The following PDCD6 variants were observed in gnomAD, a reference collection of about 807,000 sequenced individuals.
PDCD6 encodes the protein programmed cell death 6.
A neutral mutation model predicts 28.3 loss-of-function variants in PDCD6; 12 were observed. The ratio of observed to expected loss-of-function variants is 0.42; its 90% CI spans 0.27 to 0.69. The LOEUF is 0.69. Ranked by LOEUF, PDCD6 falls within the 30% of genes least tolerant of loss-of-function variation. PDCD6 has a pLI of 0.22. For missense variants in PDCD6, 226 were observed against 269.9 expected (o/e 0.84, Z 1.14); for synonymous variants, 92 against 108.0 (o/e 0.85, Z 0.92).
intron 2 of PDCD6, chr5:289,274 C>T: frequency 5.5e-6 from 3 of 547,276 alleles, no homozygotes; most frequent in Non-Finnish European, 3.3e-6. Context: ...TCAGCAACAA[C>T]TACATACAGG....
chr5:283,693 G>A (rs1213730581), intron 2 of PDCD6, among the ~76,000 whole-genome samples: 1 of 151,584 alleles, frequency 6.6e-6, no homozygotes, highest in Non-Finnish European at 1.5e-5. Flanking sequence ...GAAGCCTCAG[G>A]GAGGAGCTGA....
Position 311,408 on chromosome 5 carries a change from G to C in PDCD6, c.477+6G>C. 1 of 1,600,348 alleles carries C rather than the reference G, an allele frequency of 6.2e-7. No homozygotes were observed. Among genetic ancestry groups the C allele is most frequent in the South Asian group, 1.1e-5 (1 of 90,672 alleles). On this transcript the variant is annotated splice_donor_region_variant and intron_variant, in intron 5 of 5. Transcript: ENST00000264933. ...AGGGCTGCATCGTCCTGCAGGTGAC[G>C]GAATGGCTTCACGTGGGTTTGTGGT...
rs552701310 is a variant in PDCD6 at position 303,191 on chromosome 5, A to G, written c.164-986A>G. Reference sequence around the variant, plus strand: ...GTGGCACGTAGAGGCCTAAGGGACCATGCCAGCAGACCCCACCGCCCGTGC... The same window carrying G: ...GTGGCACGTAGAGGCCTAAGGGACCGTGCCAGCAGACCCCACCGCCCGTGC... On this transcript the variant is annotated intron_variant, in intron 2 of 5. Coordinates refer to ENST00000264933, the MANE Select transcript of PDCD6 (RefSeq NM_013232.4). 2.3e-3 allele frequency among the ~76,000 whole-genome samples: 354 copies of G among 151,966 alleles called. 1 individual carries two copies. Among genetic ancestry groups the G allele is most frequent in the Non-Finnish European group, 3.6e-3 (247 of 67,976 alleles).
intron 2 of PDCD6, among the ~76,000 whole-genome samples, chr5:294,749 T>G (rs559100812): frequency 6.6e-6 from 1 of 152,352 alleles, no homozygotes; most frequent in African/African-American, 2.4e-5. Context: ...CACAAGTGTT[T>G]AGGCCTCATT....
chr5:306,220 G>T lies in PDCD6; in HGVS notation c.209-382G>T, dbSNP rs1740470109. 1.7e-5 allele frequency: 4 copies of T among 231,382 alleles called. No homozygotes were observed. In the Admixed American group the frequency reaches 1.9e-4, roughly 11 times the overall value. 14.3% of individuals were successfully genotyped at this position (231,382 alleles called of 1,614,324 possible). On this transcript the variant is annotated intron_variant, in intron 3 of 5. Transcript: ENST00000264933. ...ATTCGCGTTCTAGGCCGAGACCCAG[G>T]AGCCAGGGGAGCTGGGGCCACTTAC...
At chr5:299,262 C>A (rs1168540956) in intron 2 of PDCD6, among the ~76,000 whole-genome samples, 4 of 104,546 alleles carry the variant, frequency 3.8e-5, no homozygotes, top group Admixed American at 2.9e-4. Context: ...TGTTCCCCCC[C>A]AGCTGTTCTC....
chr5:290,228 A>G (rs562041893), intron 2 of PDCD6: 170 of 1,552,858 alleles, frequency 1.1e-4, no homozygotes, highest in Middle Eastern at 2.3e-4. Context: ...AGTCTTGGCT[A>G]TATGACAAAG....
chr5:273,369 G>A (rs1057332212), intron 2 of PDCD6: 3 of 153,204 alleles, frequency 2.0e-5, no homozygotes, highest in African/African-American at 4.8e-5. Context: ...TGCGTGTTGT[G>A]AGCTCCCTGG....
intron 2 of PDCD6, among the ~76,000 whole-genome samples, chr5:297,129 C>T (rs1269379111): frequency 6.6e-6 from 1 of 152,070 alleles, no homozygotes; most frequent in African/African-American, 2.4e-5. Flanking sequence ...AATCCCGATC[C>T]TGTTATCACA....
intron 4 of PDCD6, chr5:309,310 A>G (rs1454198625): frequency 6.4e-6 from 1 of 155,838 alleles, no homozygotes; most frequent in Non-Finnish European, 1.4e-5. Flanking sequence ...CATGAACAGA[A>G]ACTCAGAAAC....
At chr5:311,433 T>G in intron 5 of PDCD6, 31 bp downstream of exon 5, 3 of 1,495,344 alleles carry the variant, frequency 2.0e-6, no homozygotes, top group South Asian at 1.1e-5. Flanking sequence ...GGGTTTGTGG[T>G]GGTGGTGGGA....
Position 307,201 on chromosome 5 carries a change from ACGCG to A in PDCD6, c.367+442_367+445del. Among the ~76,000 whole-genome samples the A allele has an allele frequency of 6.6e-6, 1 of 150,964 alleles. No individual in the cohort carries two copies. Among genetic ancestry groups the A allele is most frequent in the Non-Finnish European group, 1.5e-5 (1 of 67,950 alleles). On this transcript the variant is annotated intron_variant, in intron 4 of 5. Transcript: ENST00000264933. The surrounding 1 kb of genome is among the most constrained non-coding windows in gnomAD (Gnocchi z 6.1). ...CGCCTCAGAAGGGGCGTTAGGCAGA[ACGCG>A]TGCCCATTCTCAGGTGTGCTCGGCG...
Position 288,963 on chromosome 5 carries a change from G to A in PDCD6, c.164-15214G>A, listed in dbSNP as rs574925039. ...TTCTTCTGTTTCACGGCAGTCAGAA[G>A]AACCACTACTTTCAGGGCCTTCGTT... On this transcript the variant is annotated intron_variant, in intron 2 of 5. Transcript: ENST00000264933. The A allele has an allele frequency of 1.5e-5, 22 of 1,440,898 alleles. No individual in the cohort carries two copies. The African/African-American group carries it at 2.6e-4, about 17-fold the overall frequency. 89.3% of individuals were successfully genotyped at this position (1,440,898 alleles called of 1,614,324 possible). A position where few individuals can be genotyped will look rare whatever the true frequency, so the allele number is the denominator to read the frequency against.
rs527571219 is a variant in PDCD6, at chr5:298,018, C to T, written c.164-6159C>T. On this transcript the variant is annotated intron_variant, in intron 2 of 5. Coordinates refer to ENST00000264933, the MANE Select transcript of PDCD6 (RefSeq NM_013232.4). Reference sequence around the variant, plus strand: ...ATAGATAAATATAAGGTTAGATCCACGTAAATAAATGAAGCCATTAAGGGT... The same window carrying T: ...ATAGATAAATATAAGGTTAGATCCATGTAAATAAATGAAGCCATTAAGGGT... 5.3e-5 allele frequency among the ~76,000 whole-genome samples: 8 copies of T among 152,234 alleles called. No homozygotes were observed. In the South Asian group the frequency reaches 1.5e-3, roughly 28 times the overall value.
At chr5:292,603 G>T (rs759666797) in intron 2 of PDCD6, among the ~76,000 whole-genome samples, 1 of 152,090 alleles carries the variant, frequency 6.6e-6, no homozygotes, top group African/African-American at 2.4e-5. Flanking sequence ...TGTTCATTCC[G>T]GTGACTATCT....
chr5:313,667 C>T (rs1741074236), intron 5 of PDCD6: 1 of 152,030 alleles, frequency 6.6e-6, no homozygotes, highest in Non-Finnish European at 1.5e-5. Flanking sequence ...GCTGTGTCTT[C>T]CCTGCCACAT....
intron 1 of PDCD6, among the ~76,000 whole-genome samples, chr5:272,087 C>T (rs887701552): frequency 1.4e-5 from 2 of 147,434 alleles, no homozygotes; most frequent in African/African-American, 2.6e-5. Flanking sequence ...TGCCTCCTGC[C>T]CGGTCCCTGT....
In PDCD6 at chr5:314,624, G is replaced by A. The variant is rs758269411; in HGVS notation, c.*109G>A. On this transcript the variant is annotated 3_prime_UTR_variant, in exon 6 of 6. Coordinates refer to ENST00000264933, the MANE Select transcript of PDCD6 (RefSeq NM_013232.4). The stretch of plus-strand genomic sequence containing the variant: ...GCAGTTAGATGCTGTTCTTCCTTTA[G>A]ATTTTGTCACGTGGGGACCCAGCTG... 7 of 813,384 alleles carry A rather than the reference G, an allele frequency of 8.6e-6. No individual in the cohort carries two copies. The East Asian group carries it at 1.3e-4, about 15-fold the overall frequency. The allele number at this position is 813,384 out of a possible 1,614,324, so 50.4% of individuals were successfully genotyped here.
intron 4 of PDCD6, chr5:310,855 C>A (rs1162123770): frequency 5.7e-6 from 1 of 173,946 alleles, no homozygotes; most frequent in East Asian, 1.9e-4. Flanking sequence ...TGATGGGCAA[C>A]CCAGGGCAGC....
Sources: gnomAD v4.1 joint callset for allele counts (sites outside exome capture counted in the v4.1 genomes callset) on GRCh38, gnomAD v4.1.1 for gene constraint, Gnocchi (gnomAD v3.1) non-coding constraint, MANE v1.5 for transcripts, NCBI Gene and HGNC (gene_info 2026-07-23, HGNC 2026-07-21) for gene names.